Variants in TMEM87A observed in about 807,000 individuals in gnomAD.
The protein encoded by TMEM87A is transmembrane protein 87A.
Under a neutral mutation model 90.0 loss-of-function variants are expected in TMEM87A, and 50 were observed. That is an observed-to-expected ratio of 0.56 (90% CI 0.44 to 0.70). The LOEUF (loss-of-function observed/expected upper bound fraction) is 0.70, where lower values mean the gene tolerates loss of function less well. Among genes scored for constraint, TMEM87A ranks in the 30% least tolerant of loss-of-function variants. The pLI is 0.00. For missense variants in TMEM87A, 577 were observed against 660.5 expected (o/e 0.87, Z 1.39); for synonymous variants, 226 against 226.7 (o/e 1.00, Z 0.03).
chr15:42,229,197 T>A (rs551098395), intron 12 of TMEM87A, among the ~76,000 whole-genome samples: 56 of 151,946 alleles, frequency 3.7e-4, no homozygotes, highest in African/African-American at 1.3e-3. Flanking sequence ...AGAGATAAGG[T>A]CTCGCTATGT....
intron 6 of TMEM87A, among the ~76,000 whole-genome samples, chr15:42,251,361 C>A (rs2140963945): frequency 6.6e-6 from 1 of 152,344 alleles, no homozygotes; most frequent in South Asian, 2.1e-4. Flanking sequence ...GCTCTGGTTT[C>A]TCCCCATCTT....
At chr15:42,222,560 G>A (rs1248047823) in intron 15 of TMEM87A, among the ~76,000 whole-genome samples, 3 of 150,102 alleles carry the variant, frequency 2.0e-5, no homozygotes, top group Admixed American at 2.0e-4. Flanking sequence ...TCTTGATTGT[G>A]ATTTTTTTTT....
intron 7 of TMEM87A, among the ~76,000 whole-genome samples, chr15:42,242,066 C>CAA (rs570009857): frequency 1.7e-5 from 1 of 57,852 alleles, no homozygotes; most frequent in East Asian, 5.0e-4. Context: ...GACTCTATCT[C>CAA]AAAAAAAAAA....
chr15:42,211,627 A>G lies in TMEM87A; in HGVS notation c.*81T>C, dbSNP rs1368963301. ...GGATGTCATTGCTTCCTTTAATCCCATGGAGCCGTACAGAAGACTGACACA... is the reference window on the plus strand; with the variant it reads ...GGATGTCATTGCTTCCTTTAATCCCGTGGAGCCGTACAGAAGACTGACACA... On this transcript the variant is annotated 3_prime_UTR_variant, in exon 20 of 20. Transcript: ENST00000389834. 32 of 1,382,404 alleles carry G rather than the reference A, an allele frequency of 2.3e-5. No homozygotes were observed. The highest frequency in any genetic ancestry group is 3.1e-5 in the Non-Finnish European group (31 of 985,576). The allele number at this position is 1,382,404 out of a possible 1,614,324, so 85.6% of individuals were successfully genotyped here.
At chr15:42,247,435 C>A (rs2050998611) in intron 6 of TMEM87A, among the ~76,000 whole-genome samples, 1 of 152,174 alleles carries the variant, frequency 6.6e-6, no homozygotes, top group Non-Finnish European at 1.5e-5. Flanking sequence ...ACATTTAAGT[C>A]TTTAATCCAT....
In TMEM87A at chr15:42,218,284, T is replaced by C. The variant is rs570923289; in HGVS notation, c.1595+39A>G. ...AAATAATAACAAAGTAGTACTAACT[T>C]TGAAATAGGATTCTTGTGGTAATCA... is the stretch of plus-strand genomic sequence containing the variant. On this transcript the variant is annotated intron_variant, in intron 18 of 19. Transcript: ENST00000389834. 2.5e-6 allele frequency: 4 copies of C among 1,605,610 alleles called. No homozygotes were observed. The African/African-American group carries it at 5.3e-5, about 21-fold the overall frequency.
intron 6 of TMEM87A, chr15:42,258,435 CTTTTTTT>C: frequency 1.6e-6 from 1 of 620,308 alleles, no homozygotes; most frequent in African/African-American, 2.0e-5. Context: ...TATCTTTTTT[CTTTTTTT>C]TTTGAGATGG....
intron 11 of TMEM87A, among the ~76,000 whole-genome samples, chr15:42,231,683 T>G (rs2050688414): frequency 6.6e-6 from 1 of 152,192 alleles, no homozygotes; most frequent in African/African-American, 2.4e-5. Flanking sequence ...ATTATTAATT[T>G]CTAAAATTAT....
At chr15:42,247,056 A>AT (rs141615689) in intron 6 of TMEM87A, among the ~76,000 whole-genome samples, 17 of 152,096 alleles carry the variant, frequency 1.1e-4, no homozygotes, top group African/African-American at 4.1e-4. Context: ...GATGATGAGC[A>AT]TTTTTTTCAT....
At chr15:42,218,877 A>G (rs2050425207) in intron 17 of TMEM87A, 1 of 154,536 alleles carries the variant, frequency 6.5e-6, no homozygotes. Flanking sequence ...TGAACATGAC[A>G]GTGCAAGTAT....
intron 15 of TMEM87A, chr15:42,226,575 A>T (rs1458425296): frequency 2.2e-6 from 1 of 446,768 alleles, no homozygotes; most frequent in Non-Finnish European, 4.0e-6. Context: ...GCTGGGTTTA[A>T]TTCCCCCTCA....
chr15:42,273,213 C>T (rs570327484), intron 1 of TMEM87A, 42 bp downstream of exon 1: 3 of 1,610,426 alleles, frequency 1.9e-6, no homozygotes, highest in Non-Finnish European at 8.5e-7. Flanking sequence ...AGCCCCACCC[C>T]TTGCTCCTCT....
chr15:42,237,007 T>C (rs544775974), intron 9 of TMEM87A, among the ~76,000 whole-genome samples: 1 of 152,328 alleles, frequency 6.6e-6, no homozygotes, highest in Non-Finnish European at 1.5e-5. Context: ...CTCTCCTATT[T>C]TCTTGATATG....
chr15:42,268,140 C>CA (rs2140990811), intron 2 of TMEM87A, 108 bp from the exon 3 acceptor site: 1 of 716,180 alleles, frequency 1.4e-6, no homozygotes, highest in African/African-American at 1.8e-5. Flanking sequence ...CTGAGATACT[C>CA]AAAGACCATC....
intron 1 of TMEM87A, chr15:42,272,801 A>G (rs1298707201): frequency 5.2e-6 from 2 of 382,688 alleles, no homozygotes; most frequent in African/African-American, 2.1e-5. Context: ...GTTGAAGCGA[A>G]GTCGAACCAT....
chr15:42,238,001 ATATATGTGTGTG>A (rs1464645274), intron 8 of TMEM87A, among the ~76,000 whole-genome samples: 5 of 5,992 alleles, frequency 8.3e-4, no homozygotes, highest in South Asian at 7.5e-3. Flanking sequence ...ATGTATATAT[ATATATGTGTGTG>A]TGTGTGTGTG....
rs1311560827 is a variant in TMEM87A at position 42,211,745 on chromosome 15, C to T, written c.1631G>A (p.Arg544Gln). 3.1e-6 allele frequency: 5 copies of T among 1,609,096 alleles called. No individual in the cohort carries two copies. Among genetic ancestry groups the T allele is most frequent in the Admixed American group, 1.7e-5 (1 of 59,198 alleles). ...GGACCTTTCAAAGTGTGTGATCATT[C>T]GTTCCTAGGGAAAAAAAAAAAGGTT... ...LPALLDSDEE[R>Q]MITHFERSKM... Residue 544 changes from arginine to glutamine, a missense_variant, in exon 20 of 20, where the codon CGA (arginine) becomes CAA (glutamine). Physicochemically the swap from Arg to Gln is conservative, Grantham distance 43. Transcript: ENST00000389834.
At chr15:42,231,881 A>G (rs2050691551) in intron 11 of TMEM87A, 3 of 1,279,696 alleles carry the variant, frequency 2.3e-6, no homozygotes, top group Non-Finnish European at 3.1e-6. Flanking sequence ...TGAGAGGGCC[A>G]GGTTTACTAT....
chr15:42,217,728 T>C, intron 19 of TMEM87A, 75 bp downstream of exon 19: 4 of 1,444,042 alleles, frequency 2.8e-6, no homozygotes, highest in Non-Finnish European at 3.9e-6. Context: ...AAAGAGAATC[T>C]CCATGAACAG....
Sources: gnomAD v4.1 joint callset for allele counts (sites outside exome capture counted in the v4.1 genomes callset) on GRCh38, gnomAD v4.1.1 for gene constraint, MANE v1.5 for transcripts, NCBI Gene and HGNC (gene_info 2026-07-23, HGNC 2026-07-21) for gene names.